Variants in TTC28 observed in about 807,000 individuals in gnomAD.
TTC28 encodes the protein tetratricopeptide repeat protein 28.
A neutral mutation model predicts 198.0 loss-of-function variants in TTC28; 61 were observed. The ratio of observed to expected loss-of-function variants is 0.31; its 90% CI spans 0.25 to 0.38. The LOEUF (loss-of-function observed/expected upper bound fraction) is 0.38. Ranked by LOEUF, TTC28 falls within the 10% of genes least tolerant of loss-of-function variation. The pLI is 1.00. For missense variants in TTC28, 2,678 were observed against 3,164.0 expected (o/e 0.85, Z 3.69); for synonymous variants, 1,171 against 1,297.8 (o/e 0.90, Z 2.10).
At chr22:28,032,207 T>TATATATATATAAAATATATATATATAAA (rs1569094801) in intron 12 of TTC28, among the ~76,000 whole-genome samples, 3 of 125,826 alleles carry the variant, frequency 2.4e-5, no homozygotes, top group South Asian at 2.4e-4. Flanking sequence ...ATATATAAAA[T>TATATATATATAAAATATATATATATAAA]ATATATATAT....
chr22:28,657,951 A>G (rs2051686735), intron 1 of TTC28, among the ~76,000 whole-genome samples: 1 of 152,142 alleles, frequency 6.6e-6, no homozygotes, highest in Admixed American at 6.6e-5. Context: ...AAAATGGTCC[A>G]TGTTCCTTAA....
At chr22:28,260,913 T>C (rs1304748623) in intron 5 of TTC28, among the ~76,000 whole-genome samples, 1 of 152,142 alleles carries the variant, frequency 6.6e-6, no homozygotes, top group Non-Finnish European at 1.5e-5. Context: ...CTACTCCTAC[T>C]TTCTCTTCTC....
chr22:28,085,249 G>A (rs889653965), intron 12 of TTC28, among the ~76,000 whole-genome samples: 7 of 151,854 alleles, frequency 4.6e-5, no homozygotes, highest in African/African-American at 1.2e-4. Context: ...AAATGTTAAG[G>A]GCAGCCAGAG....
At chr22:28,618,682 C>CAAA (rs397974118) in intron 2 of TTC28, among the ~76,000 whole-genome samples, 1 of 54,054 alleles carries the variant, frequency 1.8e-5, no homozygotes, top group African/African-American at 6.6e-5. Context: ...ACTCTGTCTC[C>CAAA]AAAAAAAAAA....
rs181924592 is a variant in TTC28 at position 28,603,890 on chromosome 22, T to G, written c.381+25662A>C. 2.0e-3 allele frequency among the ~76,000 whole-genome samples: 304 copies of G among 152,316 alleles called. 1 individual carries two copies. Among genetic ancestry groups the G allele is most frequent in the Non-Finnish European group, 3.7e-3 (253 of 68,016 alleles). ...ACAAAATATAAGAAGAATGTTTCCA[T>G]TTTAGTATTAGCAATACTTCAATTT... On this transcript the variant is annotated intron_variant, in intron 2 of 22. Transcript: ENST00000397906.
In TTC28 at chr22:28,525,232, T is replaced by C. The variant is rs561158468; in HGVS notation, c.381+104320A>G. 1.5e-3 allele frequency among the ~76,000 whole-genome samples: 227 copies of C among 152,254 alleles called. 1 individual carries two copies. Among genetic ancestry groups the C allele is most frequent in the Admixed American group, 2.6e-3 (40 of 15,300 alleles). ...CGGTGCAATCATGGCTCACTGTATG[T>C]ACCTCGACCTCCCAGGTTCAACTAA... On this transcript the variant is annotated intron_variant, in intron 2 of 22. Transcript: ENST00000397906.
chr22:28,626,901 T>G (rs2051085103), intron 2 of TTC28, among the ~76,000 whole-genome samples: 1 of 152,028 alleles, frequency 6.6e-6, no homozygotes, highest in Non-Finnish European at 1.5e-5. Context: ...AAAAGTACAC[T>G]TTTTAAAAGC....
chr22:28,093,691 C>T (rs1941883862), intron 12 of TTC28, among the ~76,000 whole-genome samples: 1 of 152,156 alleles, frequency 6.6e-6, no homozygotes, highest in South Asian at 2.1e-4. Flanking sequence ...TACTAAATTA[C>T]TCTCTCAAAT....
intron 2 of TTC28, among the ~76,000 whole-genome samples, chr22:28,341,793 CAAAAAATAAAATAAAATA>C (rs1952629728): frequency 6.6e-6 from 1 of 150,982 alleles, no homozygotes; most frequent in African/African-American, 2.4e-5. Context: ...GACTCCATCT[CAAAAAATAAAATAAAATA>C]AAAAAATAAA....
At chr22:28,678,025 C>A (rs1439224340) in intron 1 of TTC28, among the ~76,000 whole-genome samples, 3 of 151,952 alleles carry the variant, frequency 2.0e-5, no homozygotes, top group Non-Finnish European at 4.4e-5. Flanking sequence ...CAAATTCCCA[C>A]CTTTCTTGAA....
At chr22:28,580,550 T>G (rs549281976) in intron 2 of TTC28, among the ~76,000 whole-genome samples, 4 of 151,954 alleles carry the variant, frequency 2.6e-5, no homozygotes, top group Admixed American at 1.3e-4. Flanking sequence ...CTAATTTTTG[T>G]TTTTTTTACA....
chr22:28,191,470 G>C (rs747250302), intron 5 of TTC28, among the ~76,000 whole-genome samples: 1 of 152,222 alleles, frequency 6.6e-6, no homozygotes, highest in Non-Finnish European at 1.5e-5. Flanking sequence ...CGCACCGAGC[G>C]TAAGCGGAGG....
intron 6 of TTC28, among the ~76,000 whole-genome samples, chr22:28,150,474 A>G (rs1159992201): frequency 6.6e-6 from 1 of 152,174 alleles, no homozygotes; most frequent in South Asian, 2.1e-4. Context: ...GATTTTCTCA[A>G]AAAAAATCAT....
chr22:28,433,647 T>C (rs1444462766), intron 2 of TTC28, among the ~76,000 whole-genome samples: 1 of 152,198 alleles, frequency 6.6e-6, no homozygotes, highest in Non-Finnish European at 1.5e-5. Flanking sequence ...AAATATGTAT[T>C]AATTATGTAT....
At chr22:28,129,765 C>T (rs913452483) in intron 6 of TTC28, among the ~76,000 whole-genome samples, 2 of 152,150 alleles carry the variant, frequency 1.3e-5, no homozygotes, top group Non-Finnish European at 2.9e-5. Flanking sequence ...ACTACATTGG[C>T]GGGGGAGATG....
At chr22:28,150,365 GAAC>G (rs551217008) in intron 6 of TTC28, among the ~76,000 whole-genome samples, 18 of 152,292 alleles carry the variant, frequency 1.2e-4, no homozygotes, top group Non-Finnish European at 2.1e-4. Context: ...CCATGAAGGA[GAAC>G]AACGGAGGTG....
chr22:28,550,987 G>T (rs993404568), intron 2 of TTC28, among the ~76,000 whole-genome samples: 2 of 151,988 alleles, frequency 1.3e-5, no homozygotes, highest in Non-Finnish European at 2.9e-5. Context: ...AATGATAAAA[G>T]GACTAGTTTA....
At chr22:27,990,765 G>C in intron 20 of TTC28, 24 bp downstream of exon 20, 1 of 1,549,732 alleles carries the variant, frequency 6.5e-7, no homozygotes, top group Non-Finnish European at 8.7e-7. Context: ...CCTGACAACA[G>C]TTGCTACTTA....
chr22:27,986,617 G>A (rs1338115230), intron 21 of TTC28, among the ~76,000 whole-genome samples: 1 of 152,166 alleles, frequency 6.6e-6, no homozygotes, highest in Non-Finnish European at 1.5e-5. Context: ...ACCTCACAGT[G>A]TTAAAGTAAG....
Sources: allele counts gnomAD v4.1 joint callset (sites outside exome capture counted in the v4.1 genomes callset), GRCh38; gene constraint gnomAD v4.1.1; transcripts MANE v1.5; gene names NCBI Gene and HGNC (gene_info 2026-07-23, HGNC 2026-07-21).